The following NDUFB1 variants were observed in gnomAD, a reference collection of about 807,000 sequenced individuals.
The protein encoded by NDUFB1 is NADH dehydrogenase [ubiquinone] 1 beta subcomplex subunit 1.
Under a neutral mutation model 6.7 loss-of-function variants are expected in NDUFB1, and 6 were observed. That is an observed-to-expected ratio of 0.89 (90% CI 0.49 to 1.76). The LOEUF is 1.76. NDUFB1 is among the 40% of genes most tolerant of loss of function. NDUFB1 has a pLI of 0.01. For missense variants in NDUFB1, 56 were observed against 71.0 expected (o/e 0.79, Z 0.76); for synonymous variants, 17 against 22.9 (o/e 0.74, Z 0.74).
chr14:92,121,406 A>G, intron 1 of NDUFB1: 1 of 640,716 alleles, frequency 1.6e-6, no homozygotes, highest in Non-Finnish European at 2.6e-6. Context: ...ATCTCTACGG[A>G]CGTTTTCCTG....
rs929313991 is a variant in NDUFB1 at position 92,117,735 on chromosome 14, T to A, written c.-5-93A>T. The A allele has an allele frequency of 2.4e-6, 3 of 1,267,504 alleles. No homozygotes were observed. In the African/African-American group the frequency reaches 4.5e-5, roughly 19 times the overall value. 78.5% of individuals were successfully genotyped at this position (1,267,504 alleles called of 1,614,324 possible). A position where few individuals can be genotyped will look rare whatever the true frequency, so the allele number is the denominator to read the frequency against. On this transcript the variant is annotated intron_variant, in intron 1 of 2. Transcript: ENST00000605997. ...CATCTGGGCCAGGTGCGGTGGTTCA[T>A]GCCTGTAATCCTAGCACTTTGGGAT...
At chr14:92,121,588 G>C in intron 1 of NDUFB1, 54 bp downstream of exon 1, 1 of 1,608,222 alleles carries the variant, frequency 6.2e-7, no homozygotes. Flanking sequence ...AACCCTCCCC[G>C]CCACCGTCGC....
intron 1 of NDUFB1, chr14:92,118,648 T>G (rs1462069097): frequency 6.6e-6 from 1 of 152,186 alleles, no homozygotes; most frequent in East Asian, 1.9e-4. Context: ...TTCAATAATG[T>G]CACTGTAGAT....
chr14:92,118,036 T>C (rs12589375), intron 1 of NDUFB1: 42,051 of 228,862 alleles, frequency 0.18, 4,349 homozygotes, highest in East Asian at 0.29. Flanking sequence ...AAGAAGATGA[T>C]AGACATAGAT....
At chr14:92,117,419 T>G (rs2068723916) in intron 2 of NDUFB1, 79 bp downstream of exon 2, 2 of 1,461,930 alleles carry the variant, frequency 1.4e-6, no homozygotes, top group Non-Finnish European at 1.9e-6. Context: ...AATTACCCCT[T>G]CTGTTTATTT....
At chr14:92,117,121 C>T (rs897780348) in intron 2 of NDUFB1, among the ~76,000 whole-genome samples, 4 of 152,222 alleles carry the variant, frequency 2.6e-5, no homozygotes, top group African/African-American at 9.6e-5. Flanking sequence ...CACCTAGCTG[C>T]TGTTATTACT....
chr14:92,118,939 A>G (rs1250242755), intron 1 of NDUFB1: 1 of 368,410 alleles, frequency 2.7e-6, no homozygotes. Context: ...ACGCCACTAC[A>G]CTCCAGCCTG....
intron 1 of NDUFB1, chr14:92,121,397 T>C (rs2068761848): frequency 9.7e-6 from 6 of 619,750 alleles, no homozygotes; most frequent in South Asian, 6.0e-5. Context: ...CTGGGTCACA[T>C]CTCTACGGAC....
rs2068715443 is a variant in NDUFB1, at chr14:92,116,164, A to T, written c.*29T>A. 1 of 1,597,316 alleles carries T rather than the reference A, an allele frequency of 6.3e-7. No homozygotes were observed. Among genetic ancestry groups the T allele is most frequent in the Non-Finnish European group, 8.6e-7 (1 of 1,164,978 alleles). ...TTTTTATTTCTCTCAGAACTTTAAA[A>T]TGTGAACATTCGATAATCTAGCCAG... On this transcript the variant is annotated 3_prime_UTR_variant, in exon 3 of 3. Coordinates refer to ENST00000605997, the MANE Select transcript of NDUFB1 (RefSeq NM_004545.4).
chr14:92,117,523 G>C lies in NDUFB1; in HGVS notation c.115C>G (p.Arg39Gly). The C allele has an allele frequency of 6.2e-7, 1 of 1,612,920 alleles. No individual in the cohort carries two copies. Among genetic ancestry groups the C allele is most frequent in the Middle Eastern group, 1.9e-4 (1 of 5,244 alleles). The stretch of plus-strand genomic sequence containing the variant: ...CTTTTAAATAACATACTCTTGTTCC[G>C]GAAGGCAGTTAGCCGTTCATCACTC... ...RKSDERLTAF[R>G]NKSMLFKREL... The change falls in exon 2 of 3, where the codon CGG (arginine) becomes GGG (glycine). Residue 39 changes from arginine (R) to glycine (G), a missense_variant. By Grantham distance (125) the Arg-to-Gly change is moderately radical. Transcript: ENST00000605997.
chr14:92,117,676 G>GTTTT (rs1222129527), intron 1 of NDUFB1, 34 bp from the exon 2 acceptor site: 2 of 1,456,804 alleles, frequency 1.4e-6, no homozygotes, highest in Non-Finnish European at 1.8e-6. Context: ...AAATACAACT[G>GTTTT]CTTTGTTTTT....
chr14:92,118,230 G>A (rs2068730190), intron 1 of NDUFB1: 1 of 152,968 alleles, frequency 6.5e-6, no homozygotes, highest in African/African-American at 2.4e-5. Flanking sequence ...ACGATACAGA[G>A]CAGAGAAACA....
In NDUFB1 at chr14:92,117,659, T is replaced by A. The variant is rs2068725940; in HGVS notation, c.-5-17A>T. ...CCATGATAGCTAAAAGAAAAAAAAA[T>A]TATCAGAAATACAACTGCTTTGTTT... On this transcript the variant is annotated splice_polypyrimidine_tract_variant and intron_variant, in intron 1 of 2. Transcript: ENST00000605997. 1.2e-6 allele frequency: 2 copies of A among 1,605,414 alleles called. No homozygotes were observed. Among genetic ancestry groups the A allele is most frequent in the Middle Eastern group, 1.7e-4 (1 of 6,042 alleles).
At position 92,121,649 on chromosome 14, in the gene NDUFB1, C is replaced by G; in HGVS notation, c.-13G>C. 1 of 1,609,218 alleles carries G rather than the reference C, an allele frequency of 6.2e-7. No homozygotes were observed. The highest frequency in any genetic ancestry group is 8.5e-7 in the Non-Finnish European group (1 of 1,178,416). On this transcript the variant is annotated 5_prime_UTR_variant, in exon 1 of 3. Coordinates refer to ENST00000605997, the MANE Select transcript of NDUFB1 (RefSeq NM_004545.4). Reference sequence around the variant, plus strand: ...CGGGCTCCCCAAACCCACCTGCAGCCTCAGCGCCTACAGCGACCCCGAGAC... The same window carrying G: ...CGGGCTCCCCAAACCCACCTGCAGCGTCAGCGCCTACAGCGACCCCGAGAC...
chr14:92,121,180 G>A, intron 1 of NDUFB1: 1 of 183,416 alleles, frequency 5.5e-6, no homozygotes, highest in Admixed American at 5.5e-5. Flanking sequence ...AAAAAGCAAA[G>A]TAAAAGGGTA....
chr14:92,117,588 A>T lies in NDUFB1; in HGVS notation c.50T>A (p.Val17Asp). The T allele has an allele frequency of 6.2e-7, 1 of 1,614,114 alleles. No individual in the cohort carries two copies. The highest frequency in any genetic ancestry group is 8.5e-7 in the Non-Finnish European group (1 of 1,179,972). The part of the protein sequence containing the change: ...IVRDHWVHVL[V>D]PMGFVIGCYL... The stretch of plus-strand genomic sequence containing the variant: ...ACATCCAATGACAAATCCCATAGGG[A>T]CAAGAACATGAACCCAGTGGTCCCG... The change falls in exon 2 of 3, where the codon GTC becomes GAC. Residue 17 changes from valine (V) to aspartate (D), a missense_variant. By Grantham distance (152) the Val-to-Asp change is radical. Transcript: ENST00000605997.
intron 1 of NDUFB1, among the ~76,000 whole-genome samples, chr14:92,120,067 T>C (rs1291078973): frequency 1.4e-5 from 2 of 140,358 alleles, no homozygotes; most frequent in Non-Finnish European, 3.0e-5. Context: ...ATAGACATCA[T>C]GTGGAAAATA....
intron 1 of NDUFB1, chr14:92,121,267 A>G: frequency 2.9e-6 from 1 of 341,716 alleles, no homozygotes; most frequent in South Asian, 3.6e-5. Context: ...GCGAGAAGAC[A>G]GAAGGCTGGA....
At chr14:92,119,064 C>T in intron 1 of NDUFB1, 1 of 244,094 alleles carries the variant, frequency 4.1e-6, no homozygotes, top group Admixed American at 5.4e-5. Flanking sequence ...GTAACCACAG[C>T]ACTTTGGGAG....
Sources: allele counts gnomAD v4.1 joint callset (sites outside exome capture counted in the v4.1 genomes callset), GRCh38; gene constraint gnomAD v4.1.1; transcripts MANE v1.5; gene names NCBI Gene and HGNC (gene_info 2026-07-23, HGNC 2026-07-21).